ANKRD60: variants seen among roughly 807,000 people sequenced by gnomAD.
The protein encoded by ANKRD60 is ankyrin repeat domain 60.
A neutral mutation model predicts 21.3 loss-of-function variants in ANKRD60; 24 were observed. The ratio of observed to expected loss-of-function variants is 1.13; its 90% CI spans 0.82 to 1.59. The LOEUF is 1.59. Ranked by LOEUF, ANKRD60 falls within the 40% of genes most tolerant of loss-of-function variation. The pLI, the probability that ANKRD60 is intolerant of heterozygous loss-of-function variation, is 0.00. For synonymous variants in ANKRD60, 182 were observed against 199.4 expected, an observed-to-expected ratio of 0.91 and a Z score of 0.74; for missense variants, 490 against 466.7, an observed-to-expected ratio of 1.05 and a Z score of -0.46.
intron 2 of ANKRD60, among the ~76,000 whole-genome samples, chr20:58,222,689 G>A (rs1984283885): frequency 1.3e-5 from 2 of 152,226 alleles, no homozygotes; most frequent in Non-Finnish European, 2.9e-5. Flanking sequence ...CTGTACCACA[G>A]CCCCGAGCTC....
In ANKRD60 at chr20:58,223,400, A is replaced by T. The variant is rs549761890; in HGVS notation, c.431-218T>A. On this transcript the variant is annotated intron_variant, in intron 1 of 3. Coordinates refer to ENST00000457363, the Ensembl canonical transcript of ANKRD60. ...TCAGCTCAGATGGAAGCCGAACAAA[A>T]TCACAATGCCAACGATTTATAAAAT... Among the ~76,000 whole-genome samples, 6 of 152,344 alleles carry T rather than the reference A, an allele frequency of 3.9e-5. No homozygotes were observed. In the East Asian group the frequency reaches 1.2e-3, roughly 29 times the overall value.
At chr20:58,224,124 C>T (rs1225733794) in intron 1 of ANKRD60, among the ~76,000 whole-genome samples, 4 of 151,308 alleles carry the variant, frequency 2.6e-5, no homozygotes. Flanking sequence ...AGGCTCCAGA[C>T]ATTACCAAAT....
At chr20:58,221,751 A>G (rs1171853145) in intron 2 of ANKRD60, among the ~76,000 whole-genome samples, 1 of 152,142 alleles carries the variant, frequency 6.6e-6, no homozygotes, top group East Asian at 1.9e-4. Context: ...GGAACACAGG[A>G]AGGTCTTCCT....
At chr20:58,227,375 G>T (rs1324996918) in intron 1 of ANKRD60, among the ~76,000 whole-genome samples, 1 of 151,936 alleles carries the variant, frequency 6.6e-6, no homozygotes, top group African/African-American at 2.4e-5. Flanking sequence ...TTTTGATTTG[G>T]CATCCTTGCA....
At chr20:58,226,522 C>T (rs1412623239) in intron 1 of ANKRD60, among the ~76,000 whole-genome samples, 2 of 152,114 alleles carry the variant, frequency 1.3e-5, no homozygotes, top group Admixed American at 6.5e-5. Flanking sequence ...GTTACATATA[C>T]AAGAAAAGTT....
intron 1 of ANKRD60, 73 bp from the exon 2 acceptor site, chr20:58,223,255 A>G: frequency 7.8e-7 from 1 of 1,284,400 alleles, no homozygotes; most frequent in Non-Finnish European, 1.1e-6. Flanking sequence ...TTAAGTTAAG[A>G]GATTATCTGA....
chr20:58,223,900 G>A (rs1031606034), intron 1 of ANKRD60, among the ~76,000 whole-genome samples: 6 of 152,084 alleles, frequency 3.9e-5, no homozygotes, highest in Non-Finnish European at 7.4e-5. Flanking sequence ...CCAGGAGTTC[G>A]AGACCAGCCT....
chr20:58,223,404 C>T (rs771133479), intron 1 of ANKRD60, among the ~76,000 whole-genome samples: 11 of 152,156 alleles, frequency 7.2e-5, no homozygotes, highest in Non-Finnish European at 1.3e-4. Flanking sequence ...AACAAAATCA[C>T]AATGCCAACG....
chr20:58,218,445 C>T (rs1398519117), downstream of ANKRD60: 1 of 1,515,278 alleles, frequency 6.6e-7, no homozygotes, highest in South Asian at 1.3e-5. Context: ...GGATTGAACT[C>T]TGCAAAGTTG....
At chr20:58,219,742 A>T (rs918468183) in intron 3 of ANKRD60, among the ~76,000 whole-genome samples, 5 of 152,208 alleles carry the variant, frequency 3.3e-5, no homozygotes, top group African/African-American at 1.2e-4. Context: ...GGCTCTTAGA[A>T]CACCAGTGTC....
chr20:58,221,976 G>A (rs556303790), intron 2 of ANKRD60, among the ~76,000 whole-genome samples: 1 of 152,294 alleles, frequency 6.6e-6, no homozygotes, highest in East Asian at 1.9e-4. Context: ...GCCCGGTCAC[G>A]TAACCACCTC....
chr20:58,228,106 G>A lies in ANKRD60; in HGVS notation c.430+118C>T. 3.7e-6 allele frequency: 4 copies of A among 1,070,008 alleles called. No individual in the cohort carries two copies. Among genetic ancestry groups the A allele is most frequent in the Non-Finnish European group, 5.3e-6 (4 of 757,062 alleles). The allele number at this position is 1,070,008 out of a possible 1,614,324, so 66.3% of individuals were successfully genotyped here. A position where few individuals can be genotyped will look rare whatever the true frequency, so the allele number is the denominator to read the frequency against. ...GGGTTTCAGGGTGGTTGGGTTTCAG[G>A]GGTTTGCTTTGACATCTGGGGTTTC... On this transcript the variant is annotated intron_variant, in intron 1 of 3. Coordinates refer to ENST00000457363, the Ensembl canonical transcript of ANKRD60. The surrounding 1 kb of genome is among the most constrained non-coding windows in gnomAD (Gnocchi z 5.3).
intron 2 of ANKRD60, 131 bp from the exon 3 acceptor site, chr20:58,221,634 T>C (rs1984256717): frequency 9.7e-7 from 1 of 1,033,832 alleles, no homozygotes; most frequent in African/African-American, 1.6e-5. Context: ...AAAAGAGAGG[T>C]GCAAACCCTC....
At chr20:58,220,005 A>G (rs1162302873) in intron 3 of ANKRD60, among the ~76,000 whole-genome samples, 1 of 152,230 alleles carries the variant, frequency 6.6e-6, no homozygotes, top group Non-Finnish European at 1.5e-5. Flanking sequence ...AGAGGTTTGT[A>G]CACCCGATGC....
rs1984413165 is a variant in ANKRD60 at position 58,228,416 on chromosome 20, G to T, written c.238C>A (p.Pro80Thr). The T allele has an allele frequency of 6.5e-7, 1 of 1,542,208 alleles. No individual in the cohort carries two copies. Among genetic ancestry groups the T allele is most frequent in the Non-Finnish European group, 8.7e-7 (1 of 1,146,202 alleles). Residue 80 changes from proline to threonine, a missense_variant, in exon 1 of 4, where the codon CCG (proline) becomes ACG (threonine). Transcript: ENST00000457363. The surrounding 1 kb of genome is among the most constrained non-coding windows in gnomAD (Gnocchi z 5.3). The stretch of plus-strand genomic sequence containing the variant: ...TCGGGCAAGGCACTCGCGGCCTTCG[G>T]GTCACAGACGAGCCGCTGGCTCCGG...
downstream of ANKRD60, chr20:58,218,435 G>A: frequency 1.3e-6 from 2 of 1,488,468 alleles, no homozygotes; most frequent in Non-Finnish European, 1.8e-6. Context: ...GGCCCCCATG[G>A]GATTGAACTC....
intron 3 of ANKRD60, among the ~76,000 whole-genome samples, chr20:58,219,051 G>A (rs552831794): frequency 2.6e-5 from 4 of 151,860 alleles, no homozygotes; most frequent in African/African-American, 7.3e-5. Flanking sequence ...GGTCTTTCCC[G>A]CTCACTCTCA....
Position 58,226,623 on chromosome 20 carries a change from C to G in ANKRD60, c.430+1601G>C, listed in dbSNP as rs147328224. On this transcript the variant is annotated intron_variant, in intron 1 of 3. Coordinates refer to ENST00000457363, the Ensembl canonical transcript of ANKRD60. Reference sequence around the variant, plus strand: ...CATGGCCAGCTTCAACCTTGGAGTGCTGATGTAGACACGGTTTCGTATCTG... The same window carrying G: ...CATGGCCAGCTTCAACCTTGGAGTGGTGATGTAGACACGGTTTCGTATCTG... Among the ~76,000 whole-genome samples, 6 of 152,182 alleles carry G rather than the reference C, an allele frequency of 3.9e-5. No individual in the cohort carries two copies. In the East Asian group the frequency reaches 1.2e-3, roughly 29 times the overall value.
downstream of ANKRD60, among the ~76,000 whole-genome samples, chr20:58,217,749 T>A (rs1222197718): frequency 6.6e-6 from 1 of 152,166 alleles, no homozygotes; most frequent in African/African-American, 2.4e-5. Context: ...AAGGAAGGGC[T>A]ATCCCAGTGC....
Sources: gnomAD v4.1 joint callset for allele counts (sites outside exome capture counted in the v4.1 genomes callset) on GRCh38, gnomAD v4.1.1 for gene constraint, Gnocchi (gnomAD v3.1) non-coding constraint, MANE v1.5 for transcripts, NCBI Gene and HGNC (gene_info 2026-07-23, HGNC 2026-07-21) for gene names.